The following UNC79 variants were observed in gnomAD, a reference collection of about 807,000 sequenced individuals.
UNC79 encodes the protein unc-79 subunit of NALCN channel complex.
UNC79 carries 37 observed loss-of-function variants against 283.1 expected under a neutral mutation model. The ratio of observed to expected loss-of-function variants is 0.13; its 90% confidence interval spans 0.10 to 0.17. UNC79 has a LOEUF of 0.17. Ranked by LOEUF, UNC79 falls within the 10% of genes least tolerant of loss-of-function variation. The pLI is 1.00. For synonymous variants in UNC79, 1,107 were observed against 1,200.2 expected (o/e 0.92, Z 1.61); for missense variants, 2,272 against 3,211.1 (o/e 0.71, Z 7.07).
intron 1 of UNC79, among the ~76,000 whole-genome samples, chr14:93,359,306 A>G (rs2054171472): frequency 6.6e-6 from 1 of 152,136 alleles, no homozygotes; most frequent in Non-Finnish European, 1.5e-5. Flanking sequence ...CTTTAGACCT[A>G]CTCATCCCAG....
intron 14 of UNC79, among the ~76,000 whole-genome samples, chr14:93,545,776 A>G (rs1302395920): frequency 1.3e-5 from 2 of 152,178 alleles, no homozygotes; most frequent in Non-Finnish European, 2.9e-5. Context: ...GATTCACGGA[A>G]TTGAGTATAG....
rs34673069 is a variant in UNC79, at chr14:93,365,384, C to CAA, written c.-351+31880_-351+31881dup. ...TGGGTGACACAGTGATACTCCATCT[C>CAA]AAAAAAAAAAAAAAAAAAAATGTGA... On this transcript the variant is annotated intron_variant, in intron 1 of 49. Coordinates refer to the UNC79 transcript ENST00000256339. Among the ~76,000 whole-genome samples the CAA allele has an allele frequency of 6.2e-3, 669 of 107,692 alleles. 15 individuals carry two copies. The highest frequency in any genetic ancestry group is 0.014 in the East Asian group (44 of 3,216). 70.7% of individuals were successfully genotyped at this position (107,692 alleles called of 152,430 possible). A position where few individuals can be genotyped will look rare whatever the true frequency, so the allele number is the denominator to read the frequency against.
chr14:93,529,180 CCTTT>C (rs1479674840), intron 9 of UNC79, 102 bp from the exon 10 acceptor site: 147 of 1,088,760 alleles, frequency 1.4e-4, no homozygotes, highest in Non-Finnish European at 1.6e-4. Context: ...AATTATACTT[CCTTT>C]CTATTAAAAG....
chr14:93,386,883 G>A (rs1430100478), intron 1 of UNC79, among the ~76,000 whole-genome samples: 5 of 121,182 alleles, frequency 4.1e-5, no homozygotes, highest in Admixed American at 1.6e-4. Flanking sequence ...TTGTTTCATT[G>A]ATCTTTTGTA....
At chr14:93,513,325 G>A (rs959233183) in intron 7 of UNC79, among the ~76,000 whole-genome samples, 1 of 151,564 alleles carries the variant, frequency 6.6e-6, no homozygotes, top group African/African-American at 2.4e-5. Context: ...GAGATCAAGT[G>A]ATCTTCCCAC....
chr14:93,644,908 C>T (rs1381138950), intron 34 of UNC79, among the ~76,000 whole-genome samples: 1 of 152,014 alleles, frequency 6.6e-6, no homozygotes, highest in East Asian at 1.9e-4. Context: ...CATCTCAAGA[C>T]TTCAAAATAG....
rs572487448 is a variant in UNC79 at position 93,341,792 on chromosome 14, G to A, written c.-351+8269G>A. ...AACCCCTCCTCTCTGCCAAGGGCAT[G>A]CCACAGTTAACCCAACAGGGCAGCC... On this transcript the variant is annotated intron_variant, in intron 1 of 49. Coordinates refer to the UNC79 transcript ENST00000256339. Among the ~76,000 whole-genome samples the A allele has an allele frequency of 4.7e-3, 721 of 152,216 alleles. 4 individuals carry two copies. Among genetic ancestry groups the A allele is most frequent in the African/African-American group, 0.016 (676 of 41,530 alleles).
intron 41 of UNC79, among the ~76,000 whole-genome samples, chr14:93,678,977 A>G (rs1038099137): frequency 6.6e-6 from 1 of 152,136 alleles, no homozygotes; most frequent in African/African-American, 2.4e-5. Context: ...ATTCAGATCT[A>G]TTGACGTTTT....
chr14:93,508,229 C>T (rs993136045), intron 7 of UNC79, among the ~76,000 whole-genome samples: 6 of 151,120 alleles, frequency 4.0e-5, no homozygotes, highest in South Asian at 2.1e-4. Context: ...CCACTAAACC[C>T]GAAAAAAGGC....
intron 41 of UNC79, 83 bp from the exon 45 acceptor site, chr14:93,682,534 T>G: frequency 8.1e-7 from 1 of 1,240,128 alleles, no homozygotes; most frequent in Non-Finnish European, 1.2e-6. Context: ...ACTAATTAAT[T>G]TAAGCCAAGT....
At chr14:93,448,067 A>G (rs1340586311) in intron 1 of UNC79, among the ~76,000 whole-genome samples, 1 of 150,858 alleles carries the variant, frequency 6.6e-6, no homozygotes, top group Non-Finnish European at 1.5e-5. Flanking sequence ...TTTCTCAAAT[A>G]TTTTCTCAGC....
chr14:93,543,883 C>T (rs2061485784), intron 14 of UNC79, among the ~76,000 whole-genome samples: 1 of 152,174 alleles, frequency 6.6e-6, no homozygotes, highest in East Asian at 1.9e-4. Context: ...CAGCACAGAC[C>T]ATCTATAGGG....
intron 1 of UNC79, among the ~76,000 whole-genome samples, chr14:93,459,674 C>CTTT (rs34182907): frequency 1.1e-5 from 1 of 90,682 alleles, no homozygotes; most frequent in African/African-American, 4.9e-5. Flanking sequence ...GTTTATTCAA[C>CTTT]TTTTTTTTTT....
intron 1 of UNC79, chr14:93,466,884 A>ATGCTGGTGACTCCAGG: frequency 1.0e-6 from 1 of 985,416 alleles, no homozygotes; most frequent in East Asian, 1.1e-4. Context: ...AATGTGGACA[A>ATGCTGGTGACTCCAGG]TGCTGGTGAC....
At chr14:93,656,146 A>G (rs1204939492) in intron 38 of UNC79, among the ~76,000 whole-genome samples, 1 of 152,116 alleles carries the variant, frequency 6.6e-6, no homozygotes, top group African/African-American at 2.4e-5. Flanking sequence ...TCACTAGCAG[A>G]CTCTTCTTGC....
At chr14:93,488,248 T>C (rs2058545416) in intron 5 of UNC79, among the ~76,000 whole-genome samples, 1 of 152,212 alleles carries the variant, frequency 6.6e-6, no homozygotes, top group African/African-American at 2.4e-5. Flanking sequence ...CTCATTGTGA[T>C]TTGTCATTAT....
intron 1 of UNC79, among the ~76,000 whole-genome samples, chr14:93,384,960 C>G (rs1290401942): frequency 6.6e-6 from 1 of 152,138 alleles, no homozygotes; most frequent in African/African-American, 2.4e-5. Context: ...AATGTATGTT[C>G]TTGGCACCTT....
At chr14:93,622,078 C>T (rs771711427) in exon 30 of UNC79, 2 of 1,613,986 alleles carry the variant, frequency 1.2e-6, no homozygotes, top group African/African-American at 1.3e-5. Flanking sequence ...CAGATTCAAC[C>T]TCGGGGCCTG....
chr14:93,682,311 A>C (rs2073910029), intron 41 of UNC79, among the ~76,000 whole-genome samples: 2 of 152,242 alleles, frequency 1.3e-5, no homozygotes, highest in Non-Finnish European at 2.9e-5. Context: ...AGTACTAAAC[A>C]ATAAATAGAA....
Sources: allele counts gnomAD v4.1 joint callset (sites outside exome capture counted in the v4.1 genomes callset), GRCh38; gene constraint gnomAD v4.1.1; transcripts MANE v1.5; gene names NCBI Gene and HGNC (gene_info 2026-07-23, HGNC 2026-07-21).